FRAS1: variants seen among roughly 807,000 people sequenced by gnomAD.
The protein encoded by FRAS1 is Fraser extracellular matrix complex subunit 1, also known as extracellular matrix organizing protein FRAS1.
A neutral mutation model predicts 435.2 loss-of-function variants in FRAS1; 290 were observed. That is an observed-to-expected ratio of 0.67 (90% confidence interval 0.61 to 0.73). FRAS1 has a LOEUF of 0.73. Ranked by LOEUF, FRAS1 falls within the 30% of genes least tolerant of loss-of-function variation. FRAS1 has a pLI of 0.00. For synonymous variants in FRAS1, 1,800 were observed against 1,851.0 expected (o/e 0.97, Z 0.71); for missense variants, 4,860 against 5,001.5 (o/e 0.97, Z 0.85).
intron 2 of FRAS1, among the ~76,000 whole-genome samples, chr4:78,086,766 T>C (rs1296468000): frequency 2.0e-5 from 3 of 152,088 alleles, no homozygotes; most frequent in African/African-American, 7.2e-5. Flanking sequence ...GGCTCTGAAA[T>C]TGCGGCAATA....
At chr4:78,506,818 C>T (rs1219856223) in intron 61 of FRAS1, among the ~76,000 whole-genome samples, 1 of 152,182 alleles carries the variant, frequency 6.6e-6, no homozygotes, top group East Asian at 1.9e-4. Flanking sequence ...GGAGAAATCA[C>T]CTGTCTTCTG....
chr4:78,229,913 G>A (rs981933163), intron 2 of FRAS1, among the ~76,000 whole-genome samples: 2 of 152,138 alleles, frequency 1.3e-5, no homozygotes, highest in African/African-American at 4.8e-5. Context: ...GCACTTGGAG[G>A]CAGCTTGTCC....
At chr4:78,085,108 T>C (rs557703713) in intron 2 of FRAS1, among the ~76,000 whole-genome samples, 1 of 152,226 alleles carries the variant, frequency 6.6e-6, no homozygotes, top group East Asian at 1.9e-4. Flanking sequence ...TTCTTTTGTT[T>C]TTAGAATGTC....
chr4:78,255,316 T>C lies in FRAS1; in HGVS notation c.544T>C (p.Cys182Arg). 3 of 1,573,064 alleles carry C rather than the reference T, an allele frequency of 1.9e-6. No individual in the cohort carries two copies. The highest frequency in any genetic ancestry group is 3.7e-5 in the Admixed American group (2 of 53,754). Reference sequence around the variant, plus strand: ...GCTGAGCCGGTGTGCCAAATGTCTGTGTAGAAATGGGGTTGCCCAGTGCTT... The same window carrying C: ...GCTGAGCCGGTGTGCCAAATGTCTGCGTAGAAATGGGGTTGCCCAGTGCTT... ...WRLSRCAKCL[C>R]RNGVAQCFTA... The change falls in exon 6 of 74, where the codon TGT becomes CGT. Residue 182 changes from cysteine to arginine, a missense_variant. Cys to Arg is a radical substitution (Grantham distance 180). Coordinates refer to ENST00000512123, the MANE Select transcript of FRAS1 (RefSeq NM_025074.7).
chr4:78,419,134 C>G (rs1179162817), intron 33 of FRAS1, 71 bp downstream of exon 33: 1 of 838,806 alleles, frequency 1.2e-6, no homozygotes, highest in East Asian at 2.8e-5. Context: ...CTTAATATCT[C>G]TGGAGTTTTG....
At chr4:78,112,388 A>G (rs6842152) in intron 2 of FRAS1, among the ~76,000 whole-genome samples, 42,588 of 151,880 alleles carry the variant, frequency 0.28, 6,298 homozygotes, top group African/African-American at 0.36. Flanking sequence ...GAGATTCATG[A>G]GTCTGTGATT....
chr4:78,165,805 T>TA (rs1446150332), intron 2 of FRAS1, among the ~76,000 whole-genome samples: 3 of 152,120 alleles, frequency 2.0e-5, no homozygotes, highest in Non-Finnish European at 1.5e-5. Context: ...TGTTTTTTAT[T>TA]ATCCAGCAGG....
chr4:78,070,213 T>G (rs553387539), intron 2 of FRAS1, among the ~76,000 whole-genome samples: 2 of 151,486 alleles, frequency 1.3e-5, no homozygotes, highest in Admixed American at 1.3e-4. Context: ...CAGTGTATTA[T>G]GTACTATATA....
chr4:78,378,056 A>G (rs940980181), intron 26 of FRAS1, among the ~76,000 whole-genome samples: 3 of 152,080 alleles, frequency 2.0e-5, no homozygotes, highest in Non-Finnish European at 4.4e-5. Flanking sequence ...GAAATCCCAT[A>G]ATATTAGCAG....
At chr4:78,516,689 G>A (rs931533943) in intron 66 of FRAS1, among the ~76,000 whole-genome samples, 2 of 152,222 alleles carry the variant, frequency 1.3e-5, no homozygotes, top group African/African-American at 2.4e-5. Context: ...AGTGAAAGGG[G>A]AAGCAGACAT....
intron 20 of FRAS1, among the ~76,000 whole-genome samples, chr4:78,345,256 C>T (rs1730563440): frequency 6.6e-6 from 1 of 152,092 alleles, no homozygotes; most frequent in African/African-American, 2.4e-5. Context: ...CCCGGAAGCC[C>T]CCCTGAAGAA....
rs144002194 is a variant in FRAS1, at chr4:78,239,954, A to G, written c.216+2337A>G. The stretch of plus-strand genomic sequence containing the variant: ...TTTATTTTTCTTTTTGATACTAACT[A>G]CTATCTATTTTAATGGTATTTTTCG... On this transcript the variant is annotated intron_variant, in intron 3 of 73. Coordinates refer to ENST00000512123, the MANE Select transcript of FRAS1 (RefSeq NM_025074.7). 5.0e-3 allele frequency among the ~76,000 whole-genome samples: 756 copies of G among 152,082 alleles called. 4 individuals are homozygous for G. Among genetic ancestry groups the G allele is most frequent in the Admixed American group, 8.7e-3 (133 of 15,276 alleles).
At chr4:78,093,135 C>T (rs1200949595) in intron 2 of FRAS1, among the ~76,000 whole-genome samples, 3 of 152,182 alleles carry the variant, frequency 2.0e-5, no homozygotes, top group Non-Finnish European at 4.4e-5. Flanking sequence ...TGCTCACATT[C>T]CTGTCTTGAT....
At chr4:78,194,505 G>A (rs774935043) in intron 2 of FRAS1, among the ~76,000 whole-genome samples, 16 of 151,958 alleles carry the variant, frequency 1.1e-4, no homozygotes, top group African/African-American at 3.1e-4. Flanking sequence ...TTCTCTTCTC[G>A]CTTCATTTCA....
intron 4 of FRAS1, among the ~76,000 whole-genome samples, chr4:78,246,150 T>G (rs1014536714): frequency 1.3e-5 from 2 of 152,170 alleles, no homozygotes; most frequent in African/African-American, 2.4e-5. Flanking sequence ...AAATAGACAG[T>G]TTATCTTCAT....
intron 2 of FRAS1, among the ~76,000 whole-genome samples, chr4:78,210,218 A>C (rs998068182): frequency 1.3e-5 from 2 of 152,082 alleles, no homozygotes; most frequent in African/African-American, 4.8e-5. Flanking sequence ...TCTATCTAAT[A>C]GCTTCCAAGA....
At chr4:78,462,762 T>A (rs1321311763) in intron 47 of FRAS1, among the ~76,000 whole-genome samples, 2 of 152,200 alleles carry the variant, frequency 1.3e-5, no homozygotes, top group African/African-American at 4.8e-5. Context: ...AGAACTGATG[T>A]AGCAAGCACA....
intron 2 of FRAS1, among the ~76,000 whole-genome samples, chr4:78,113,125 G>A (rs1244954971): frequency 3.3e-5 from 5 of 151,992 alleles, no homozygotes; most frequent in African/African-American, 1.2e-4. Flanking sequence ...ATGGTTTCCA[G>A]CTTCATCCAT....
intron 50 of FRAS1, 87 bp downstream of exon 50, chr4:78,466,522 T>C: frequency 1.0e-6 from 1 of 981,808 alleles, no homozygotes; most frequent in Non-Finnish European, 1.5e-6. Context: ...TACCATTGTT[T>C]GAGTTCTCGT....
Sources: allele counts gnomAD v4.1 joint callset (sites outside exome capture counted in the v4.1 genomes callset), GRCh38; gene constraint gnomAD v4.1.1; transcripts MANE v1.5; gene names NCBI Gene and HGNC (gene_info 2026-07-23, HGNC 2026-07-21).